The following ADCY10 variants were observed in gnomAD, a reference collection of about 807,000 sequenced individuals.
ADCY10 encodes adenylate cyclase type 10.
A neutral mutation model predicts 183.3 loss-of-function variants in ADCY10; 156 were observed. The observed-to-expected ratio is 0.85, with a 90% CI of 0.75 to 0.97. The LOEUF (loss-of-function observed/expected upper bound fraction) is 0.97, where lower values mean the gene tolerates loss of function less well. Among genes scored for constraint, ADCY10 ranks in the 50% least tolerant of loss-of-function variants. ADCY10 has a pLI of 0.00. For synonymous variants in ADCY10, 645 were observed against 670.0 expected, an observed-to-expected ratio of 0.96 and a Z score of 0.58; for missense variants, 1,745 against 1,934.3, an observed-to-expected ratio of 0.90 and a Z score of 1.84.
chr1:167,911,019 T>C (rs954557016), intron 1 of ADCY10, among the ~76,000 whole-genome samples: 4 of 152,218 alleles, frequency 2.6e-5, no homozygotes, highest in African/African-American at 9.6e-5. Flanking sequence ...ACATGCATAG[T>C]ATAGACTGTT....
In ADCY10 at chr1:167,846,097, G is replaced by T; in HGVS notation, c.2604C>A (p.Asn868Lys). Reference sequence around the variant, plus strand: ...TGCCATTCCGGAAACAATAAAAAATGTTAGATTCCACTAGGGTTGCCAGGG... The same window carrying T: ...TGCCATTCCGGAAACAATAAAAAATTTTAGATTCCACTAGGGTTGCCAGGG... ...IKTLATLVES[N>K]IFYCFRNGKE... The change falls in exon 20 of 33, where the codon AAC becomes AAA. Residue 868 changes from asparagine to lysine, a missense_variant. Coordinates refer to ENST00000367851, the MANE Select transcript of ADCY10 (RefSeq NM_018417.6). 1 of 1,614,180 alleles carries T rather than the reference G, an allele frequency of 6.2e-7. No individual in the cohort carries two copies.
At chr1:167,819,664 A>G (rs7555031) in intron 30 of ADCY10, among the ~76,000 whole-genome samples, 95,666 of 151,932 alleles carry the variant, frequency 0.63, 30,947 homozygotes, top group African/African-American at 0.77. Context: ...CTGGGTTCAA[A>G]CAATTCTCCT....
In ADCY10 at chr1:167,833,622, G is replaced by C. The variant is rs551249361; in HGVS notation, c.3417+348C>G. ...TAGCTGGGCGTGGTGGCGCATGCCT[G>C]TAATCCCAGCTACTTTGGAGGCTGA... On this transcript the variant is annotated intron_variant, in intron 24 of 32. Coordinates refer to ENST00000367851, the MANE Select transcript of ADCY10 (RefSeq NM_018417.6). 9.9e-5 allele frequency among the ~76,000 whole-genome samples: 15 copies of C among 152,008 alleles called. No homozygotes were observed. The South Asian group carries it at 2.9e-3, about 29-fold the overall frequency.
chr1:167,900,272 G>C (rs1341352442), intron 5 of ADCY10, among the ~76,000 whole-genome samples: 3 of 152,084 alleles, frequency 2.0e-5, no homozygotes, highest in African/African-American at 7.2e-5. Flanking sequence ...TTCGCTCTCT[G>C]CTATACTGAT....
At chr1:167,839,833 T>A (rs948083755) in intron 21 of ADCY10, among the ~76,000 whole-genome samples, 5 of 152,214 alleles carry the variant, frequency 3.3e-5, no homozygotes, top group African/African-American at 1.2e-4. Flanking sequence ...AATAAATGTT[T>A]GTTGCATAAA....
intron 11 of ADCY10, among the ~76,000 whole-genome samples, chr1:167,879,343 T>C (rs1187360655): frequency 6.6e-6 from 1 of 152,234 alleles, no homozygotes. Context: ...CTTGTAAGCC[T>C]TCAATTAATA....
rs73022198 is a variant in ADCY10, at chr1:167,891,750, A to G, written c.828+2103T>C. 6.1e-3 allele frequency among the ~76,000 whole-genome samples: 931 copies of G among 152,108 alleles called. 13 individuals are homozygous for G. Among genetic ancestry groups the G allele is most frequent in the African/African-American group, 0.021 (881 of 41,506 alleles). On this transcript the variant is annotated intron_variant, in intron 8 of 32. Transcript: ENST00000367851. ...TTGTTAATTAAATACATAGCAAATC[A>G]ATGGGGGAAAATCACTGCACTTTCT...
intron 8 of ADCY10, among the ~76,000 whole-genome samples, chr1:167,890,454 G>A (rs1244910468): frequency 1.3e-5 from 2 of 152,016 alleles, no homozygotes; most frequent in African/African-American, 2.4e-5. Flanking sequence ...TGGGGGTGGG[G>A]TCACACAAGC....
At chr1:167,872,194 C>G (rs186813984) in intron 13 of ADCY10, among the ~76,000 whole-genome samples, 1 of 151,938 alleles carries the variant, frequency 6.6e-6, no homozygotes, top group South Asian at 2.1e-4. Context: ...CAAAATTAGC[C>G]GGGCGTGGTG....
intron 14 of ADCY10, among the ~76,000 whole-genome samples, chr1:167,864,866 A>G (rs1420697014): frequency 6.6e-6 from 1 of 150,544 alleles, no homozygotes; most frequent in Non-Finnish European, 1.5e-5. Context: ...GATGCATTCA[A>G]TCTGTAGCAG....
At chr1:167,859,723 G>A in intron 16 of ADCY10, 84 bp downstream of exon 16, 1 of 977,962 alleles carries the variant, frequency 1.0e-6, no homozygotes, top group Non-Finnish European at 1.7e-6. Context: ...TTGCCAATGT[G>A]GTCTGAACTC....
chr1:167,886,730 CA>C (rs920924864), intron 8 of ADCY10, among the ~76,000 whole-genome samples: 1 of 152,070 alleles, frequency 6.6e-6, no homozygotes, highest in Non-Finnish European at 1.5e-5. Flanking sequence ...TTCTGAACAG[CA>C]AAAGAAATCA....
At chr1:167,819,048 T>C (rs535022389) in intron 30 of ADCY10, among the ~76,000 whole-genome samples, 35 of 152,254 alleles carry the variant, frequency 2.3e-4, no homozygotes, top group Admixed American at 1.9e-3. Context: ...TCAGACAGGC[T>C]CTGGGGGTGT....
At position 167,882,717 on chromosome 1, in the gene ADCY10, C is replaced by A. The variant is rs987142646; in HGVS notation, c.1020+720G>T. The stretch of plus-strand genomic sequence containing the variant: ...TTATGTGTAGTGAGAGGTAGCCCAG[C>A]GTAGTGAGAGGTAGCCCAGCATAGT... On this transcript the variant is annotated intron_variant, in intron 9 of 32. Coordinates refer to ENST00000367851, the MANE Select transcript of ADCY10 (RefSeq NM_018417.6). Among the ~76,000 whole-genome samples the A allele has an allele frequency of 7.4e-4, 55 of 73,896 alleles. No homozygotes were observed. The Admixed American group carries it at 7.6e-3, about 10-fold the overall frequency. The allele number at this position is 73,896 out of a possible 152,430, so 48.5% of individuals were successfully genotyped here. A position where few individuals can be genotyped will look rare whatever the true frequency, so the allele number is the denominator to read the frequency against.
At chr1:167,865,063 C>T (rs1013492874) in intron 14 of ADCY10, among the ~76,000 whole-genome samples, 8 of 151,890 alleles carry the variant, frequency 5.3e-5, no homozygotes, top group East Asian at 1.9e-4. Context: ...TCATAGAAAA[C>T]GATGTTATAA....
At chr1:167,903,176 A>G (rs978431587) in intron 3 of ADCY10, among the ~76,000 whole-genome samples, 1 of 152,168 alleles carries the variant, frequency 6.6e-6, no homozygotes, top group African/African-American at 2.4e-5. Context: ...GAATCGCTTG[A>G]ACCTGGGAGG....
rs987664612 is a variant in ADCY10 at position 167,811,057 on chromosome 1, G to A, written c.4483-144C>T. On this transcript the variant is annotated intron_variant, in intron 31 of 32. Coordinates refer to ENST00000367851, the MANE Select transcript of ADCY10 (RefSeq NM_018417.6). ...ATACATTATAGAGACATACACAGTA[G>A]GTATTGGAGATAAGACAATAAATGT... is the stretch of plus-strand genomic sequence containing the variant. 1.8e-5 allele frequency: 14 copies of A among 767,622 alleles called. No individual in the cohort carries two copies. The African/African-American group carries it at 2.1e-4, about 12-fold the overall frequency. 47.6% of individuals were successfully genotyped at this position (767,622 alleles called of 1,614,324 possible). A position where few individuals can be genotyped will look rare whatever the true frequency, so the allele number is the denominator to read the frequency against.
At chr1:167,881,425 A>G (rs762119062) in intron 9 of ADCY10, among the ~76,000 whole-genome samples, 1 of 152,250 alleles carries the variant, frequency 6.6e-6, no homozygotes, top group African/African-American at 2.4e-5. Flanking sequence ...ACCCTCTCCA[A>G]AAGAATTTGA....
rs559581965 is a variant in ADCY10 at position 167,875,146 on chromosome 1, C to A, written c.1447G>T (p.Asp483Tyr). Residue 483 changes from aspartate to tyrosine, a missense_variant, in exon 13 of 33, where the codon GAT (aspartate) becomes TAT (tyrosine). Coordinates refer to ENST00000367851, the MANE Select transcript of ADCY10 (RefSeq NM_018417.6). ...TACTACCTACCCAGCAAAGGGTAAT[C>A]CTCCTTTCTGTTGCAGATGAGGCAC... ...MACLICNRKE[D>Y]YPLLGRNKEI... The A allele has an allele frequency of 1.4e-5, 22 of 1,614,036 alleles. 1 individual carries two copies. The South Asian group carries it at 2.2e-4, about 16-fold the overall frequency.
Sources: allele counts gnomAD v4.1 joint callset (sites outside exome capture counted in the v4.1 genomes callset), GRCh38; gene constraint gnomAD v4.1.1; transcripts MANE v1.5; gene names NCBI Gene and HGNC (gene_info 2026-07-23, HGNC 2026-07-21).